TBC1D32: variants seen among roughly 807,000 people sequenced by gnomAD.
TBC1D32 encodes TBC1 domain family member 32.
Under a neutral mutation model 170.3 loss-of-function variants are expected in TBC1D32, and 151 were observed. The ratio of observed to expected loss-of-function variants is 0.89; its 90% confidence interval spans 0.78 to 1.01. The LOEUF (loss-of-function observed/expected upper bound fraction) is 1.01, where lower values mean the gene tolerates loss of function less well. TBC1D32 is among the 50% of genes least tolerant of loss of function. TBC1D32 has a pLI of 0.00. For missense variants in TBC1D32, 1,464 were observed against 1,457.1 expected, an observed-to-expected ratio of 1.00 and a Z score of -0.08; for synonymous variants, 498 against 488.0, an observed-to-expected ratio of 1.02 and a Z score of -0.27.
intron 21 of TBC1D32, among the ~76,000 whole-genome samples, chr6:121,213,519 T>TAACATA (rs1793400645): frequency 2.1e-4 from 1 of 4,852 alleles, no homozygotes; most frequent in African/African-American, 3.5e-4. Flanking sequence ...TAAAATAAAA[T>TAACATA]AAAATAAATA....
intron 17 of TBC1D32, among the ~76,000 whole-genome samples, chr6:121,245,914 G>A (rs1797534143): frequency 6.6e-6 from 1 of 152,102 alleles, no homozygotes; most frequent in South Asian, 2.1e-4. Context: ...GGGAAGCTGA[G>A]GTAGCTCCTA....
intron 20 of TBC1D32, among the ~76,000 whole-genome samples, chr6:121,226,041 C>T (rs78087709): frequency 0.024 from 3,672 of 152,078 alleles, 166 homozygotes; most frequent in East Asian, 0.12. Context: ...ATTTTTAAGA[C>T]TAAAGCATAA....
At chr6:121,298,738 C>G (rs1339112720) in intron 10 of TBC1D32, among the ~76,000 whole-genome samples, 1 of 152,052 alleles carries the variant, frequency 6.6e-6, no homozygotes, top group Non-Finnish European at 1.5e-5. Context: ...ATTTTATGCT[C>G]TACTGCACTC....
Position 121,290,358 on chromosome 6 carries a change from TCAAA to T in TBC1D32, c.1372+1691_1372+1694del, listed in dbSNP as rs1804635702. Among the ~76,000 whole-genome samples the T allele has an allele frequency of 1.2e-4, 18 of 152,206 alleles. No individual in the cohort carries two copies. The South Asian group carries it at 3.3e-3, about 28-fold the overall frequency. ...GGCAAAGGATATAAACAGACACTTC[TCAAA>T]AGAAGACATTTATGCAGCCAAAAGA... On this transcript the variant is annotated intron_variant, in intron 12 of 31. Coordinates refer to ENST00000398212, the MANE Select transcript of TBC1D32 (RefSeq NM_152730.6).
chr6:121,120,005 C>T (rs1780092150), intron 26 of TBC1D32, among the ~76,000 whole-genome samples: 1 of 151,898 alleles, frequency 6.6e-6, no homozygotes, highest in African/African-American at 2.4e-5. Flanking sequence ...AAAGCAAATA[C>T]AGTGAAATTC....
At chr6:121,114,841 T>C (rs528980647) in intron 27 of TBC1D32, among the ~76,000 whole-genome samples, 4 of 152,324 alleles carry the variant, frequency 2.6e-5, no homozygotes, top group Admixed American at 2.6e-4. Context: ...CTCATCACCA[T>C]GGAATTAATC....
chr6:121,090,508 T>C (rs1219354903), intron 31 of TBC1D32, among the ~76,000 whole-genome samples: 2 of 152,156 alleles, frequency 1.3e-5, no homozygotes, highest in East Asian at 1.9e-4. Context: ...GAAATTAATA[T>C]ATTAAATATA....
chr6:121,309,834 G>A (rs1269962967), intron 4 of TBC1D32, among the ~76,000 whole-genome samples: 1 of 152,012 alleles, frequency 6.6e-6, no homozygotes, highest in African/African-American at 2.4e-5. Flanking sequence ...AGTATTTTGA[G>A]ATCTTCCTAA....
intron 17 of TBC1D32, among the ~76,000 whole-genome samples, chr6:121,251,715 T>G (rs1013003423): frequency 3.9e-5 from 6 of 152,162 alleles, no homozygotes; most frequent in African/African-American, 1.4e-4. Flanking sequence ...GGGATCTAAT[T>G]AAACTACAGA....
chr6:121,193,732 C>T (rs777513418), intron 22 of TBC1D32, among the ~76,000 whole-genome samples: 3 of 152,128 alleles, frequency 2.0e-5, no homozygotes, highest in African/African-American at 4.8e-5. Context: ...GTGAAATTGT[C>T]GGGAAGCCTA....
In TBC1D32 at chr6:121,323,348, A is replaced by T. The variant is rs146937411; in HGVS notation, c.156-1554T>A. ...TTTCTTCCCTCTCATATTCATCCCA[A>T]ACACTGTAGTCATATTAGCCTTCCA... On this transcript the variant is annotated intron_variant, in intron 1 of 31. Coordinates refer to ENST00000398212, the MANE Select transcript of TBC1D32 (RefSeq NM_152730.6). Among the ~76,000 whole-genome samples the T allele has an allele frequency of 1.3e-4, 20 of 152,130 alleles. 1 individual carries two copies. Among genetic ancestry groups the T allele is most frequent in the Non-Finnish European group, 2.8e-4 (19 of 67,994 alleles).
chr6:121,260,997 G>C (rs1031603979), intron 15 of TBC1D32, among the ~76,000 whole-genome samples: 1 of 152,158 alleles, frequency 6.6e-6, no homozygotes, highest in Admixed American at 6.5e-5. Flanking sequence ...TCCCCACAGC[G>C]CAGCACACCA....
chr6:121,261,692 C>T (rs1355450403), intron 15 of TBC1D32, among the ~76,000 whole-genome samples: 3 of 152,142 alleles, frequency 2.0e-5, no homozygotes, highest in African/African-American at 7.2e-5. Flanking sequence ...GAAAAAAATG[C>T]TGAAAACCCA....
At chr6:121,176,749 C>A (rs919169427) in intron 22 of TBC1D32, among the ~76,000 whole-genome samples, 2 of 152,068 alleles carry the variant, frequency 1.3e-5, no homozygotes, top group African/African-American at 4.8e-5. Flanking sequence ...CAGGCACGCG[C>A]CACCACGCCC....
intron 24 of TBC1D32, among the ~76,000 whole-genome samples, chr6:121,140,315 T>A (rs1474006030): frequency 1.4e-5 from 2 of 145,156 alleles, no homozygotes; most frequent in African/African-American, 5.4e-5. Flanking sequence ...GTAAAAAAAA[T>A]TACATCAGGT....
rs147935830 is a variant in TBC1D32, at chr6:121,208,483, C to G, written c.2482-3320G>C. Among the ~76,000 whole-genome samples the G allele has an allele frequency of 5.2e-4, 79 of 152,008 alleles. No individual in the cohort carries two copies. The East Asian group carries it at 0.015, about 29-fold the overall frequency. On this transcript the variant is annotated intron_variant, in intron 21 of 31. Coordinates refer to ENST00000398212, the MANE Select transcript of TBC1D32 (RefSeq NM_152730.6). Reference sequence around the variant, plus strand: ...GCATGGGGGAAATCACCCCATAATTCAGTTACCTCCTGTCAAGCCCCTCCC... The same window carrying G: ...GCATGGGGGAAATCACCCCATAATTGAGTTACCTCCTGTCAAGCCCCTCCC...
At chr6:121,305,846 T>C (rs960682471) in intron 5 of TBC1D32, among the ~76,000 whole-genome samples, 1 of 152,092 alleles carries the variant, frequency 6.6e-6, no homozygotes, top group Non-Finnish European at 1.5e-5. Context: ...CCATGCCTTG[T>C]TTTCTACTTC....
intron 17 of TBC1D32, among the ~76,000 whole-genome samples, chr6:121,242,611 T>G (rs1797121676): frequency 3.9e-5 from 6 of 152,082 alleles, no homozygotes; most frequent in Admixed American, 3.9e-4. Context: ...TATACCCAGG[T>G]TCTCTCATCC....
intron 26 of TBC1D32, among the ~76,000 whole-genome samples, chr6:121,123,647 T>C (rs184754778): frequency 6.6e-6 from 1 of 152,190 alleles, no homozygotes; most frequent in African/African-American, 2.4e-5. Context: ...AGTGAGTTTC[T>C]TGTAGAAAGT....
Sources: gnomAD v4.1 joint callset for allele counts (sites outside exome capture counted in the v4.1 genomes callset) on GRCh38, gnomAD v4.1.1 for gene constraint, MANE v1.5 for transcripts, NCBI Gene and HGNC (gene_info 2026-07-23, HGNC 2026-07-21) for gene names.